The following GPATCH3 variants were observed in gnomAD, a reference collection of about 807,000 sequenced individuals.
GPATCH3 encodes the protein G-patch domain containing 3, also known as G patch domain-containing protein 3.
In GPATCH3, 45 loss-of-function variants were observed where a neutral mutation model predicts 53.2. The ratio of observed to expected loss-of-function variants is 0.85; its 90% CI spans 0.67 to 1.08. The LOEUF (loss-of-function observed/expected upper bound fraction) is 1.08. GPATCH3 is among the 50% of genes least tolerant of loss of function. The pLI is 0.00. For missense variants in GPATCH3, 680 were observed against 687.2 expected, an observed-to-expected ratio of 0.99 and a Z score of 0.12; for synonymous variants, 280 against 270.6, an observed-to-expected ratio of 1.03 and a Z score of -0.34.
At chr1:26,891,638 C>T (rs558320603) in intron 6 of GPATCH3, among the ~76,000 whole-genome samples, 2 of 152,204 alleles carry the variant, frequency 1.3e-5, no homozygotes, top group Admixed American at 1.3e-4. Flanking sequence ...CCTCCACCTC[C>T]TGGGTTCAAG....
At position 26,900,078 on chromosome 1, in the gene GPATCH3, G is replaced by C; in HGVS notation, c.365C>G (p.Ser122Trp). 2 of 1,614,158 alleles carry C rather than the reference G, an allele frequency of 1.2e-6. No individual in the cohort carries two copies. Among genetic ancestry groups the C allele is most frequent in the Non-Finnish European group, 1.7e-6 (2 of 1,180,038 alleles). The change falls in exon 1 of 7, where the codon TCG becomes TGG. Residue 122 changes from serine to tryptophan, a missense_variant. By Grantham distance (177) the Ser-to-Trp change is radical. Transcript: ENST00000361720. The stretch of plus-strand genomic sequence containing the variant: ...GTGAGAATCCAGCCACCGGCGGCCC[G>C]AGTACATGCGAATAAGCCTCTGAGC... ...AQAQRLIRMY[S>W]GRRWLDSHGT...
intron 6 of GPATCH3, among the ~76,000 whole-genome samples, chr1:26,891,906 A>C (rs962560519): frequency 6.6e-6 from 1 of 152,072 alleles, no homozygotes; most frequent in Admixed American, 6.6e-5. Context: ...ACAGGGTTTC[A>C]CCATCTTGAT....
At chr1:26,899,079 T>C (rs1271366064) in intron 1 of GPATCH3, among the ~76,000 whole-genome samples, 1 of 152,222 alleles carries the variant, frequency 6.6e-6, no homozygotes, top group Non-Finnish European at 1.5e-5. Flanking sequence ...TATTAACTCC[T>C]ATTTATTTTT....
At position 26,894,992 on chromosome 1, in the gene GPATCH3, CAA is replaced by C. The variant is rs779139035; in HGVS notation, c.877-584_877-583del. ...TCAGGGGAGTAAAAAGTTCTTTGTC[CAA>C]AAGAGTACACTGAGGGAGCAGCAGA... On this transcript the variant is annotated intron_variant, in intron 2 of 6. Transcript: ENST00000361720. Among the ~76,000 whole-genome samples, 11 of 152,124 alleles carry C rather than the reference CAA, an allele frequency of 7.2e-5. No homozygotes were observed. The South Asian group carries it at 8.3e-4, about 11-fold the overall frequency.
chr1:26,894,273 A>G lies in GPATCH3; in HGVS notation c.1014T>C (p.Phe338=). ...KWEKGGSGLV[F]YTDAQFWQEE... ...CCTGCCAGAACTGGGCATCAGTATA[A>G]AACACCAGGCCAGAGCCACCCTTCT... is the stretch of plus-strand genomic sequence containing the variant. Residue 338 remains phenylalanine (F), a synonymous_variant, in exon 3 of 7, where the codon TTT becomes TTC. Coordinates refer to ENST00000361720, the MANE Select transcript of GPATCH3 (RefSeq NM_022078.3). 1.9e-6 allele frequency: 3 copies of G among 1,614,048 alleles called. No homozygotes were observed. The highest frequency in any genetic ancestry group is 2.5e-6 in the Non-Finnish European group (3 of 1,180,004).
intron 5 of GPATCH3, 25 bp downstream of exon 5, chr1:26,892,645 T>C (rs970193096): frequency 3.1e-6 from 5 of 1,612,758 alleles, no homozygotes; most frequent in African/African-American, 2.7e-5. Context: ...GAGGGGTCCA[T>C]GGGGTGGGCA....
intron 2 of GPATCH3, 58 bp from the exon 3 acceptor site, chr1:26,894,468 G>A (rs1022359939): frequency 6.5e-6 from 10 of 1,531,342 alleles, no homozygotes; most frequent in Non-Finnish European, 9.0e-6. Context: ...CCCGAGGGAG[G>A]GAAGCTCAGG....
chr1:26,894,262 G>A lies in GPATCH3; in HGVS notation c.1025C>T (p.Ala342Val). 6.2e-7 allele frequency: 1 copy of A among 1,614,028 alleles called. No individual in the cohort carries two copies. Among genetic ancestry groups the A allele is most frequent in the Non-Finnish European group, 8.5e-7 (1 of 1,179,990 alleles). Residue 342 changes from alanine (A) to valine (V), a missense_variant, in exon 3 of 7, where the codon GCC (alanine) becomes GTC (valine). Physicochemically the swap from Ala to Val is moderately conservative, Grantham distance 64 (BLOSUM62 0). Transcript: ENST00000361720. Reference protein sequence around the residue: ...GGSGLVFYTDAQFWQEEEGDF... With the variant: ...GGSGLVFYTDVQFWQEEEGDF... ...TCCTTCTTCCTCCTGCCAGAACTGGGCATCAGTATAAAACACCAGGCCAGA... is the reference window on the plus strand; with the variant it reads ...TCCTTCTTCCTCCTGCCAGAACTGGACATCAGTATAAAACACCAGGCCAGA...
intron 4 of GPATCH3, chr1:26,893,040 TC>T: frequency 1.8e-6 from 1 of 567,992 alleles, no homozygotes; most frequent in Non-Finnish European, 3.1e-6. Flanking sequence ...AGGTCTTCCC[TC>T]CCCTACTTGG....
chr1:26,897,799 T>C, intron 1 of GPATCH3, 74 bp from the exon 2 acceptor site: 1 of 1,228,000 alleles, frequency 8.1e-7, no homozygotes, highest in South Asian at 1.5e-5. Flanking sequence ...TTGGCCAATG[T>C]TTAAATCTGT....
intron 3 of GPATCH3, 71 bp from the exon 4 acceptor site, chr1:26,893,519 G>GT (rs1210378082): frequency 1.5e-5 from 8 of 546,034 alleles, no homozygotes; most frequent in East Asian, 4.5e-5. Context: ...TAAACCTAGA[G>GT]TTTTTTTGGC....
At chr1:26,897,143 C>T (rs1382831761) in intron 2 of GPATCH3, among the ~76,000 whole-genome samples, 158 bp downstream of exon 2, 1 of 152,180 alleles carries the variant, frequency 6.6e-6, no homozygotes, top group African/African-American at 2.4e-5. Flanking sequence ...CAGAAACACA[C>T]ATGCAAATAT....
intron 3 of GPATCH3, 87 bp downstream of exon 3, chr1:26,894,149 C>T: frequency 7.4e-7 from 1 of 1,359,598 alleles, no homozygotes. Flanking sequence ...TTTGGGCTCA[C>T]CACTACAGAA....
intron 2 of GPATCH3, among the ~76,000 whole-genome samples, chr1:26,896,896 C>T (rs1570701191): frequency 6.6e-6 from 1 of 151,702 alleles, no homozygotes; most frequent in Non-Finnish European, 1.5e-5. Flanking sequence ...GTGGTGGCCG[C>T]CTGTAGTCCC....
rs1433096690 is a variant in GPATCH3, at chr1:26,892,536, GC to G, written c.1235del (p.Gly412AlafsTer6). 6.2e-7 allele frequency: 1 copy of G among 1,611,316 alleles called. No individual in the cohort carries two copies. The highest frequency in any genetic ancestry group is 1.3e-5 in the African/African-American group (1 of 74,870). On this transcript the variant is annotated frameshift_variant and splice_region_variant, in exon 6 of 7. Transcript: ENST00000361720. LOFTEE classifies it high-confidence loss of function. The stretch of plus-strand genomic sequence containing the variant: ...GCCGCTCCATCACCTTCCGCCCAAT[GC>G]CCTGCAGAGTGAAGGGACAAGACTC... ...QVGTFERHTK[G>X]IGRKVMERQG... is the part of the protein sequence containing the mutation.
intron 6 of GPATCH3, among the ~76,000 whole-genome samples, chr1:26,892,024 T>A (rs531826051): frequency 6.6e-6 from 1 of 152,054 alleles, no homozygotes; most frequent in Non-Finnish European, 1.5e-5. Context: ...GTATTTTTAG[T>A]AGAGACGGGG....
chr1:26,892,752 C>T lies in GPATCH3; in HGVS notation c.1151G>A (p.Arg384His), dbSNP rs768123513. 2.1e-5 allele frequency: 34 copies of T among 1,614,006 alleles called. No homozygotes were observed. Among genetic ancestry groups the T allele is most frequent in the African/African-American group, 4.0e-5 (3 of 74,918 alleles). ...DKDARDSVQM[R>H]LEQRLRDGQE... ...TCCATCTCGGAGTCTCTGTTCCAGA[C>T]GCATTTGGACAGAGTCTCGGGCATC... is the stretch of plus-strand genomic sequence containing the variant. Residue 384 changes from arginine (R) to histidine (H), a missense_variant, in exon 5 of 7, where the codon CGT (arginine) becomes CAT (histidine). Physicochemically the swap from Arg to His is conservative, Grantham distance 29. Transcript: ENST00000361720.
rs1054951302 is a variant in GPATCH3, at chr1:26,897,653, A to G, written c.524T>C (p.Leu175Pro). 1 of 1,614,186 alleles carries G rather than the reference A, an allele frequency of 6.2e-7. No individual in the cohort carries two copies. The highest frequency in any genetic ancestry group is 1.3e-5 in the African/African-American group (1 of 75,066). ...SWKAENEAFT[L>P]ADLKQLPELN... is the part of the protein sequence containing the mutation. ...CTCCGGCAGTTGCTTCAGGTCAGCC[A>G]GGGTGAAGGCTTCATTCTCTGCCTT... The change falls in exon 2 of 7, where the codon CTG (leucine) becomes CCG (proline). Residue 175 changes from leucine to proline, a missense_variant. Physicochemically the swap from Leu to Pro is moderately conservative, Grantham distance 98. Transcript: ENST00000361720.
In GPATCH3 at chr1:26,890,934, T is replaced by C; in HGVS notation, c.*76A>G. On this transcript the variant is annotated 3_prime_UTR_variant, in exon 7 of 7. Transcript: ENST00000361720. ...ACGAAGACTGCTGCTCCCAGACTCC[T>C]TTCTGCTTCAGTGGTAGATGAGGCC... The C allele has an allele frequency of 7.4e-7, 1 of 1,358,396 alleles. No homozygotes were observed. Among genetic ancestry groups the C allele is most frequent in the African/African-American group, 1.4e-5 (1 of 69,808 alleles). 84.1% of individuals were successfully genotyped at this position (1,358,396 alleles called of 1,614,324 possible).
Sources: gnomAD v4.1 joint callset for allele counts (sites outside exome capture counted in the v4.1 genomes callset) on GRCh38, gnomAD v4.1.1 for gene constraint, MANE v1.5 for transcripts, NCBI Gene and HGNC (gene_info 2026-07-23, HGNC 2026-07-21) for gene names.